KIRREL2: variants seen among roughly 807,000 people sequenced by gnomAD.
The protein encoded by KIRREL2 is kin of IRRE-like protein 2.
KIRREL2 carries 56 observed loss-of-function variants against 73.4 expected under a neutral mutation model. The ratio of observed to expected loss-of-function variants is 0.76; its 90% CI spans 0.62 to 0.95. The LOEUF (loss-of-function observed/expected upper bound fraction) is 0.95. Among genes scored for constraint, KIRREL2 ranks in the 40% least tolerant of loss-of-function variants. The pLI, the probability that KIRREL2 is intolerant of heterozygous loss-of-function variation, is 0.00. For synonymous variants in KIRREL2, 407 were observed against 404.0 expected (o/e 1.01, Z -0.09); for missense variants, 896 against 935.0 (o/e 0.96, Z 0.54).
Position 35,863,001 on chromosome 19 carries a change from C to T in KIRREL2, c.1690C>T (p.Pro564Ser), listed in dbSNP as rs1474553848. The change falls in exon 13 of 15, where the codon CCT becomes TCT. Residue 564 changes from proline (P) to serine (S), a missense_variant. By Grantham distance (74) the Pro-to-Ser change is moderately conservative. Coordinates refer to ENST00000360202, the MANE Select transcript of KIRREL2 (RefSeq NM_199180.4). ...CAGCGACGGCTCCAGTTCACGAGGT[C>T]CTGAAGAAGAGGAGACAGGCAGCCG... ...GSSDGSSSRG[P>S]EEEETGSRED... The T allele has an allele frequency of 1.3e-6, 2 of 1,591,944 alleles. No homozygotes were observed. Among genetic ancestry groups the T allele is most frequent in the Non-Finnish European group, 1.7e-6 (2 of 1,169,584 alleles).
At chr19:35,864,757 G>A (rs947917653) in intron 14 of KIRREL2, 44 bp downstream of exon 14, 17 of 1,427,344 alleles carry the variant, frequency 1.2e-5, no homozygotes, top group African/African-American at 2.8e-5. Context: ...GTTGGGAGAG[G>A]CGGGGCTCCC....
At chr19:35,856,587 C>T (rs554366310), upstream of KIRREL2, 7 of 168,286 alleles carry the variant, frequency 4.2e-5, no homozygotes, top group South Asian at 9.2e-4. This position sits in a 1 kb window ranked among gnomAD's most constrained non-coding sequence, Gnocchi z 5.9. Flanking sequence ...GCTCAGTTTC[C>T]ACTGAGCGCA....
At chr19:35,852,097 CTT>C (rs10566018), upstream of KIRREL2, among the ~76,000 whole-genome samples, 12,906 of 121,352 alleles carry the variant, frequency 0.11, 958 homozygotes, top group African/African-American at 0.27. Context: ...TTTTTTTTTT[CTT>C]TTTTTTTTTT....
In KIRREL2 at chr19:35,866,254, C is replaced by G. The variant is rs767232959; in HGVS notation, c.1889C>G (p.Pro630Arg). 5 of 1,609,276 alleles carry G rather than the reference C, an allele frequency of 3.1e-6. No homozygotes were observed. The highest frequency in any genetic ancestry group is 2.7e-5 in the African/African-American group (2 of 74,946). Residue 630 changes from proline (P) to arginine (R), a missense_variant, in exon 15 of 15, where the codon CCC (proline) becomes CGC (arginine). Coordinates refer to ENST00000360202, the MANE Select transcript of KIRREL2 (RefSeq NM_199180.4). ...GGGLFLPPPS[P>R]LGPPGTPTFY... The stretch of plus-strand genomic sequence containing the variant: ...GGTCTCTTCCTGCCACCACCCTCCC[C>G]CCTTGGGCCCCCAGGGACCCCTACC...
Position 35,861,715 on chromosome 19 carries a change from C to T in KIRREL2, c.1290+74C>T, listed in dbSNP as rs1170477095. 4 of 1,587,392 alleles carry T rather than the reference C, an allele frequency of 2.5e-6. No homozygotes were observed. The East Asian group carries it at 6.7e-5, about 27-fold the overall frequency. ...CCTCCCACCTGGCCCCCCGAAACTA[C>T]TGTGACCATTTCTGACTTCCCAGAC... is the stretch of plus-strand genomic sequence containing the variant. On this transcript the variant is annotated intron_variant, in intron 10 of 14. Coordinates refer to ENST00000360202, the MANE Select transcript of KIRREL2 (RefSeq NM_199180.4).
chr19:35,858,966 G>A, intron 4 of KIRREL2, 102 bp downstream of exon 4: 1 of 1,302,038 alleles, frequency 7.7e-7, no homozygotes, highest in South Asian at 1.3e-5. Context: ...TGGGAGGGCA[G>A]AGGTTCATGG....
In KIRREL2 at chr19:35,861,196, T is replaced by G. The variant is rs1973660773; in HGVS notation, c.1131T>G (p.Ala377=). The G allele has an allele frequency of 1.3e-6, 2 of 1,558,238 alleles. No individual in the cohort carries two copies. Among genetic ancestry groups the G allele is most frequent in the Non-Finnish European group, 1.7e-6 (2 of 1,158,118 alleles). Residue 377 remains alanine, a synonymous_variant, in exon 9 of 15, where the codon GCT becomes GCG. Transcript: ENST00000360202. ...ACGCAGGCGACTATGTGTGCAGAGC[T>G]GAGGCTGGGCTATCGGGCCTGCGGG... is the stretch of plus-strand genomic sequence containing the variant. ...PEDAGDYVCR[A]EAGLSGLRGG...
In KIRREL2 at chr19:35,860,290, C is replaced by T. The variant is rs1392350244; in HGVS notation, c.674-7C>T. The T allele has an allele frequency of 1.2e-6, 2 of 1,612,948 alleles. No individual in the cohort carries two copies. On this transcript the variant is annotated splice_polypyrimidine_tract_variant and splice_region_variant and intron_variant, in intron 5 of 14. Coordinates refer to ENST00000360202, the MANE Select transcript of KIRREL2 (RefSeq NM_199180.4). ...TTGCCCATCTGACCATTGTCCCACC[C>T]TCACAGACCCCCCAGAGGTGACTCT... is the stretch of plus-strand genomic sequence containing the variant.
rs780349542 is a variant in KIRREL2, at chr19:35,857,422, C to G, written c.139C>G (p.Leu47Val). The change falls in exon 2 of 15, where the codon CTG becomes GTG. Residue 47 changes from leucine to valine, a missense_variant. Leu to Val is a conservative substitution (Grantham distance 32, BLOSUM62 1). Coordinates refer to ENST00000360202, the MANE Select transcript of KIRREL2 (RefSeq NM_199180.4). ...LGEEARLPCA[L>V]GAYWGLVQWT... ...GGAGGAAGCCCGGCTGCCGTGTGCT[C>G]TGGGCGCCTACTGGGGGCTAGTTCA... is the stretch of plus-strand genomic sequence containing the variant. 5.6e-6 allele frequency: 9 copies of G among 1,612,928 alleles called. No homozygotes were observed. In the African/African-American group the frequency reaches 1.2e-4, roughly 22 times the overall value.
intron 13 of KIRREL2, among the ~76,000 whole-genome samples, 178 bp from the exon 14 acceptor site, chr19:35,864,470 A>G (rs369993056): frequency 2.7e-4 from 41 of 152,014 alleles, no homozygotes; most frequent in Middle Eastern, 3.4e-3. Context: ...GATTACATGC[A>G]TGAGCCACTG....
At chr19:35,859,163 T>A (rs778664224) in intron 4 of KIRREL2, among the ~76,000 whole-genome samples, 44 of 152,156 alleles carry the variant, frequency 2.9e-4, no homozygotes, top group Non-Finnish European at 5.3e-4. Flanking sequence ...ATTGTGAGAA[T>A]TAAATAAATA....
In KIRREL2 at chr19:35,859,577, C is replaced by T. The variant is rs373013011; in HGVS notation, c.619C>T (p.Arg207Trp). The T allele has an allele frequency of 4.6e-5, 75 of 1,613,982 alleles. 1 individual carries two copies. The South Asian group carries it at 7.0e-4, about 15-fold the overall frequency. ...TGGAGCCACCTTTGTCTGCCGGGCCCGGAGCCAGGCCCTGCCCACAGGAAG... is the reference window on the plus strand; with the variant it reads ...TGGAGCCACCTTTGTCTGCCGGGCCTGGAGCCAGGCCCTGCCCACAGGAAG... ...DDGATFVCRA[R>W]SQALPTGRDT... The change falls in exon 5 of 15, where the codon CGG becomes TGG. Residue 207 changes from arginine to tryptophan, a missense_variant. Physicochemically the swap from Arg to Trp is moderately radical, Grantham distance 101 (BLOSUM62 -3). Coordinates refer to ENST00000360202, the MANE Select transcript of KIRREL2 (RefSeq NM_199180.4).
In KIRREL2 at chr19:35,859,651, G is replaced by C; in HGVS notation, c.673+20G>C. ...TGCAGTGTGAGTGCAGCTGGCCCTG[G>C]GAAAGAGGGGTGTGGGGCCCTGACT... On this transcript the variant is annotated intron_variant, in intron 5 of 14. Transcript: ENST00000360202. 1 of 1,611,752 alleles carries C rather than the reference G, an allele frequency of 6.2e-7. No individual in the cohort carries two copies. Among genetic ancestry groups the C allele is most frequent in the South Asian group, 1.1e-5 (1 of 91,000 alleles).
Position 35,863,031 on chromosome 19 carries a change from G to T in KIRREL2, c.1720G>T (p.Asp574Tyr). The change falls in exon 13 of 15, where the codon GAC becomes TAC. Residue 574 changes from aspartate to tyrosine, a missense_variant. By Grantham distance (160) the Asp-to-Tyr change is radical. Coordinates refer to ENST00000360202, the MANE Select transcript of KIRREL2 (RefSeq NM_199180.4). The part of the protein sequence containing the change: ...PEEEETGSRE[D>Y]RGPIVHTDHS... ...AGAAGAGGAGACAGGCAGCCGCGAG[G>T]ACCGGGTAGGATGCCAGGGTCCCCA... is the stretch of plus-strand genomic sequence containing the variant. 1 of 1,563,996 alleles carries T rather than the reference G, an allele frequency of 6.4e-7. No individual in the cohort carries two copies. Among genetic ancestry groups the T allele is most frequent in the South Asian group, 1.2e-5 (1 of 85,662 alleles).
At chr19:35,854,990 T>C (rs1189199841), upstream of KIRREL2, among the ~76,000 whole-genome samples, 1 of 152,112 alleles carries the variant, frequency 6.6e-6, no homozygotes, top group Non-Finnish European at 1.5e-5. Context: ...TGCCTGCTTA[T>C]CTCCTGCGGG....
In KIRREL2 at chr19:35,856,938, C is replaced by A; in HGVS notation, c.-182C>A. On this transcript the variant is annotated 5_prime_UTR_variant, in exon 1 of 15. Coordinates refer to ENST00000360202, the MANE Select transcript of KIRREL2 (RefSeq NM_199180.4). This position sits in a 1 kb window ranked among gnomAD's most constrained non-coding sequence, Gnocchi z 5.9. ...AGACCCAGGCCGCGGAACTGGCAGG[C>A]GTTTCAGAGCGTCAGAGGCTGCGGA... 2 of 703,714 alleles carry A rather than the reference C, an allele frequency of 2.8e-6. No individual in the cohort carries two copies. The highest frequency in any genetic ancestry group is 2.6e-6 in the Non-Finnish European group (1 of 387,728). The allele number at this position is 703,714 out of a possible 1,614,324, so 43.6% of individuals were successfully genotyped here. A position where few individuals can be genotyped will look rare whatever the true frequency, so the allele number is the denominator to read the frequency against.
At chr19:35,860,474 G>A in intron 6 of KIRREL2, 45 bp from the exon 7 acceptor site, 1 of 1,602,976 alleles carries the variant, frequency 6.2e-7, no homozygotes, top group South Asian at 1.1e-5. Flanking sequence ...GAGTAGGTGT[G>A]CCAGAGAGGC....
chr19:35,853,151 G>A (rs1973319643), upstream of KIRREL2, among the ~76,000 whole-genome samples: 1 of 152,188 alleles, frequency 6.6e-6, no homozygotes. Context: ...TCTCTGCTGG[G>A]GAGGATGCAA....
chr19:35,864,553 C>A (rs1973876096), intron 13 of KIRREL2, 95 bp from the exon 14 acceptor site: 2 of 959,964 alleles, frequency 2.1e-6, no homozygotes, highest in African/African-American at 1.6e-5. Flanking sequence ...CTCCCTCCTG[C>A]CTGGCCTCCA....
Sources: gnomAD v4.1 joint callset for allele counts (sites outside exome capture counted in the v4.1 genomes callset) on GRCh38, gnomAD v4.1.1 for gene constraint, Gnocchi (gnomAD v3.1) non-coding constraint, MANE v1.5 for transcripts, NCBI Gene and HGNC (gene_info 2026-07-23, HGNC 2026-07-21) for gene names.